Variants in EPHA5 observed in about 807,000 individuals in gnomAD.
EPHA5 encodes EPH receptor A5.
In EPHA5, 60 loss-of-function variants were observed where a neutral mutation model predicts 105.0. The ratio of observed to expected loss-of-function variants is 0.57; its 90% confidence interval spans 0.46 to 0.71. EPHA5 has a LOEUF of 0.71. Ranked by LOEUF, EPHA5 falls within the 30% of genes least tolerant of loss-of-function variation. EPHA5 has a pLI of 0.00. For synonymous variants in EPHA5, 513 were observed against 449.1 expected, an observed-to-expected ratio of 1.14 and a Z score of -1.80; for missense variants, 1,218 against 1,274.7, an observed-to-expected ratio of 0.96 and a Z score of 0.68.
chr4:65,439,028 A>T (rs1725760542), intron 5 of EPHA5, among the ~76,000 whole-genome samples: 1 of 152,144 alleles, frequency 6.6e-6, no homozygotes, highest in African/African-American at 2.4e-5. Context: ...ATTCACAGAA[A>T]CTTCTCAACA....
At chr4:65,441,060 T>C (rs1013723857) in intron 5 of EPHA5, among the ~76,000 whole-genome samples, 3 of 152,118 alleles carry the variant, frequency 2.0e-5, no homozygotes, top group Non-Finnish European at 4.4e-5. Flanking sequence ...AAAATAAATT[T>C]ACTACATAAT....
At chr4:65,636,831 G>A (rs889434489) in intron 2 of EPHA5, among the ~76,000 whole-genome samples, 4 of 151,968 alleles carry the variant, frequency 2.6e-5, no homozygotes, top group African/African-American at 9.7e-5. Flanking sequence ...TTCATTCTCA[G>A]GACCATAATG....
At chr4:65,451,449 G>A (rs1727056474) in intron 5 of EPHA5, among the ~76,000 whole-genome samples, 1 of 151,988 alleles carries the variant, frequency 6.6e-6, no homozygotes, top group Non-Finnish European at 1.5e-5. Flanking sequence ...GTAGGCTGTA[G>A]GTATATAGGT....
chr4:65,646,786 A>G (rs919527658), intron 1 of EPHA5, among the ~76,000 whole-genome samples: 3 of 152,202 alleles, frequency 2.0e-5, no homozygotes, highest in Admixed American at 1.3e-4. Flanking sequence ...TAATACTTCA[A>G]TTTAAGAAAA....
rs189303918 is a variant in EPHA5, at chr4:65,418,272, A to C, written c.1527+2169T>G. Among the ~76,000 whole-genome samples, 168 of 152,332 alleles carry C rather than the reference A, an allele frequency of 1.1e-3. 2 individuals are homozygous for C. Among genetic ancestry groups the C allele is most frequent in the South Asian group, 2.1e-4 (1 of 4,830 alleles). ...CAGTATAGAGTAACAAAGGTTACAA[A>C]AACTTGAATAAGAAATATAAACCTT... is the stretch of plus-strand genomic sequence containing the variant. On this transcript the variant is annotated intron_variant, in intron 6 of 16. Coordinates refer to ENST00000613740, the MANE Select transcript of EPHA5 (RefSeq NM_001281766.3).
chr4:65,397,664 C>T (rs1012840286), intron 8 of EPHA5, among the ~76,000 whole-genome samples: 1 of 151,736 alleles, frequency 6.6e-6, no homozygotes, highest in African/African-American at 2.4e-5. Flanking sequence ...TTGATCCATG[C>T]ACACTTAACC....
intron 7 of EPHA5, among the ~76,000 whole-genome samples, chr4:65,405,095 A>G (rs1267267446): frequency 1.3e-5 from 2 of 152,166 alleles, no homozygotes; most frequent in Admixed American, 6.6e-5. Flanking sequence ...GAAGTATAGA[A>G]AACTATCTTA....
intron 8 of EPHA5, among the ~76,000 whole-genome samples, chr4:65,385,665 C>T (rs955514205): frequency 2.0e-5 from 3 of 151,688 alleles, no homozygotes; most frequent in African/African-American, 4.8e-5. Flanking sequence ...ATATTTAATA[C>T]ATTGTATACA....
chr4:65,591,310 T>C (rs1274140230), intron 3 of EPHA5, among the ~76,000 whole-genome samples: 5 of 152,092 alleles, frequency 3.3e-5, no homozygotes, highest in Non-Finnish European at 5.9e-5. Flanking sequence ...TTGTAATAAC[T>C]AGTATTAACA....
intron 1 of EPHA5, among the ~76,000 whole-genome samples, chr4:65,657,687 A>G (rs1227597071): frequency 6.6e-6 from 1 of 152,144 alleles, no homozygotes; most frequent in Non-Finnish European, 1.5e-5. Context: ...CTTCACCAGC[A>G]ATACAGTAAT....
chr4:65,551,206 C>A (rs993429900), intron 3 of EPHA5, among the ~76,000 whole-genome samples: 5 of 147,830 alleles, frequency 3.4e-5, no homozygotes, highest in Admixed American at 6.8e-5. Context: ...ATGTTCATGC[C>A]ATGTATGTAT....
At chr4:65,507,629 A>G (rs946341924) in intron 3 of EPHA5, among the ~76,000 whole-genome samples, 1 of 152,062 alleles carries the variant, frequency 6.6e-6, no homozygotes, top group Non-Finnish European at 1.5e-5. Flanking sequence ...CCTTGAAGCA[A>G]TTGTGAATGG....
intron 8 of EPHA5, among the ~76,000 whole-genome samples, chr4:65,387,587 C>A (rs1027576617): frequency 4.0e-5 from 6 of 151,806 alleles, no homozygotes; most frequent in Non-Finnish European, 2.9e-5. Flanking sequence ...AAAAGCCTTA[C>A]CCTGGCCCAC....
chr4:65,325,108 A>G (rs1719951164), intron 16 of EPHA5, among the ~76,000 whole-genome samples: 1 of 151,392 alleles, frequency 6.6e-6, no homozygotes, highest in South Asian at 2.1e-4. Context: ...AAAATCCTAA[A>G]TGACAAAGAT....
chr4:65,668,755 C>T (rs945831349), intron 1 of EPHA5, among the ~76,000 whole-genome samples: 1 of 152,064 alleles, frequency 6.6e-6, no homozygotes, highest in Non-Finnish European at 1.5e-5. Flanking sequence ...ACTGGGTACT[C>T]CTGGATCAGG....
At chr4:65,593,538 G>C (rs1742877026) in intron 3 of EPHA5, among the ~76,000 whole-genome samples, 1 of 152,124 alleles carries the variant, frequency 6.6e-6, no homozygotes, top group Admixed American at 6.5e-5. Context: ...TAACATTCTG[G>C]GGTAAGGCTG....
intron 3 of EPHA5, among the ~76,000 whole-genome samples, chr4:65,513,650 T>G (rs1310833677): frequency 6.6e-6 from 1 of 152,234 alleles, no homozygotes; most frequent in African/African-American, 2.4e-5. Flanking sequence ...CCTCCCAAAG[T>G]GCTGGGATTG....
intron 3 of EPHA5, among the ~76,000 whole-genome samples, chr4:65,505,929 C>T (rs535138269): frequency 4.3e-4 from 65 of 152,134 alleles, no homozygotes; most frequent in Admixed American, 3.9e-4. Context: ...ATACATGTGC[C>T]ATGTTGGTGT....
rs577553323 is a variant in EPHA5 at position 65,512,441 on chromosome 4, G to A, written c.911-16898C>T. 5.9e-5 allele frequency among the ~76,000 whole-genome samples: 9 copies of A among 152,214 alleles called. No individual in the cohort carries two copies. In the South Asian group the frequency reaches 1.2e-3, roughly 21 times the overall value. ...TTGGAGGTAGGGCCTGGTGGGAGGCGATTGGATGATGGGGTTGCATCCTTC... is the reference window on the plus strand; with the variant it reads ...TTGGAGGTAGGGCCTGGTGGGAGGCAATTGGATGATGGGGTTGCATCCTTC... On this transcript the variant is annotated intron_variant, in intron 3 of 16. Coordinates refer to ENST00000613740, the MANE Select transcript of EPHA5 (RefSeq NM_001281766.3).
Sources: allele counts gnomAD v4.1 joint callset (sites outside exome capture counted in the v4.1 genomes callset), GRCh38; gene constraint gnomAD v4.1.1; transcripts MANE v1.5; gene names NCBI Gene and HGNC (gene_info 2026-07-23, HGNC 2026-07-21).